LIMCH1: variants seen among roughly 807,000 people sequenced by gnomAD.
LIMCH1 encodes the protein LIM and calponin homology domains-containing protein 1.
LIMCH1 carries 113 observed loss-of-function variants against 176.5 expected under a neutral mutation model. That is an observed-to-expected ratio of 0.64 (90% CI 0.55 to 0.75). The LOEUF (loss-of-function observed/expected upper bound fraction) is 0.75, where lower values mean the gene tolerates loss of function less well. LIMCH1 is among the 30% of genes least tolerant of loss of function. LIMCH1 has a pLI of 0.00. For missense variants in LIMCH1, 1,674 were observed against 1,814.9 expected (o/e 0.92, Z 1.41); for synonymous variants, 619 against 645.9 (o/e 0.96, Z 0.63).
chr4:41,629,813 G>GTA, intron 9 of LIMCH1, 79 bp downstream of exon 9: 1 of 1,370,064 alleles, frequency 7.3e-7, no homozygotes, highest in African/African-American at 1.6e-5. Flanking sequence ...TTATCTTTGT[G>GTA]TCTTTTTTTT....
intron 22 of LIMCH1, among the ~76,000 whole-genome samples, chr4:41,672,003 A>T (rs958236622): frequency 6.6e-6 from 1 of 152,146 alleles, no homozygotes; most frequent in African/African-American, 2.4e-5. Flanking sequence ...AAAGACATGG[A>T]TTATCATTAT....
At chr4:41,676,235 A>C (rs1283744878) in intron 22 of LIMCH1, 147 bp from the exon 23 acceptor site, 8 of 541,294 alleles carry the variant, frequency 1.5e-5, no homozygotes, top group Non-Finnish European at 2.7e-5. Flanking sequence ...GGTTTCTGCC[A>C]CCAAAGAGGA....
chr4:41,375,624 T>C (rs1222876759), intron 1 of LIMCH1, among the ~76,000 whole-genome samples: 2 of 152,204 alleles, frequency 1.3e-5, no homozygotes, highest in African/African-American at 4.8e-5. Flanking sequence ...AGCAAAACCA[T>C]GCAGTTGCTG....
chr4:41,464,370 C>CTTTTTTTT (rs753362999), intron 1 of LIMCH1, among the ~76,000 whole-genome samples: 1 of 139,124 alleles, frequency 7.2e-6, no homozygotes, highest in Non-Finnish European at 1.6e-5. Context: ...TTCTTTTTTT[C>CTTTTTTTT]TTTTTTTTTT....
At chr4:41,544,318 T>TG (rs1014455925) in intron 1 of LIMCH1, among the ~76,000 whole-genome samples, 1 of 152,238 alleles carries the variant, frequency 6.6e-6, no homozygotes, top group Non-Finnish European at 1.5e-5. Flanking sequence ...TCTCTGTGTG[T>TG]GGGTATACAC....
rs1036116215 is a variant in LIMCH1 at position 41,699,140 on chromosome 4, A to G, written c.*1955A>G. ...ATGATATTAGCAGAGTACCACTAGT[A>G]ATGCACAAACATGTACAATATGGTC... On this transcript the variant is annotated 3_prime_UTR_variant, in exon 32 of 32. Coordinates refer to ENST00000503057, the MANE Select transcript of LIMCH1 (RefSeq NM_001330672.2). 6.6e-6 allele frequency: 1 copy of G among 151,616 alleles called. No homozygotes were observed. Among genetic ancestry groups the G allele is most frequent in the Non-Finnish European group, 1.5e-5 (1 of 67,778 alleles). 9.4% of individuals were successfully genotyped at this position (151,616 alleles called of 1,614,324 possible).
At chr4:41,553,192 A>T (rs1583974564) in intron 1 of LIMCH1, among the ~76,000 whole-genome samples, 1 of 152,134 alleles carries the variant, frequency 6.6e-6, no homozygotes, top group East Asian at 1.9e-4. Context: ...GTGACTGTCT[A>T]CTGTGCCAGC....
chr4:41,494,583 A>G, exon 2 of LIMCH1: 1 of 1,612,672 alleles, frequency 6.2e-7, no homozygotes, highest in Non-Finnish European at 8.5e-7. Flanking sequence ...GGACAGGTTT[A>G]GAAAATGGAA....
chr4:41,419,367 G>A (rs898284685), intron 1 of LIMCH1, among the ~76,000 whole-genome samples: 99 of 151,726 alleles, frequency 6.5e-4, no homozygotes, highest in African/African-American at 2.3e-3. Flanking sequence ...TAGTAGAGAC[G>A]GGGTTTCACT....
At chr4:41,578,894 G>A (rs1280095922) in intron 1 of LIMCH1, among the ~76,000 whole-genome samples, 1 of 151,820 alleles carries the variant, frequency 6.6e-6, no homozygotes, top group African/African-American at 2.4e-5. Flanking sequence ...ATAGAGACAG[G>A]GTCTCACTAT....
chr4:41,444,918 A>G (rs1052235858), intron 1 of LIMCH1, among the ~76,000 whole-genome samples: 1 of 152,206 alleles, frequency 6.6e-6, no homozygotes, highest in African/African-American at 2.4e-5. Context: ...TGAGTTATTT[A>G]CTGACAAAGT....
At chr4:41,562,576 T>A (rs2082205428) in intron 1 of LIMCH1, among the ~76,000 whole-genome samples, 1 of 152,192 alleles carries the variant, frequency 6.6e-6, no homozygotes, top group African/African-American at 2.4e-5. Context: ...ACTTTAAAAA[T>A]TGTGCTGATT....
chr4:41,445,066 C>T (rs940515869), intron 1 of LIMCH1, among the ~76,000 whole-genome samples: 13 of 144,596 alleles, frequency 9.0e-5, no homozygotes, highest in African/African-American at 2.6e-4. Flanking sequence ...AGTGCAGTGG[C>T]GCAATCTTGG....
chr4:41,670,615 G>T, intron 21 of LIMCH1: 1 of 738,018 alleles, frequency 1.4e-6, no homozygotes. Flanking sequence ...TTCTGGTATT[G>T]ACTAGAGCCA....
At chr4:41,661,353 T>A in intron 18 of LIMCH1, 67 bp from the exon 19 acceptor site, 1 of 1,206,230 alleles carries the variant, frequency 8.3e-7, no homozygotes, top group Non-Finnish European at 1.2e-6. Context: ...AATTACTGCT[T>A]AAAAAATAAT....
At chr4:41,370,665 G>A (rs532233265) in intron 1 of LIMCH1, among the ~76,000 whole-genome samples, 1 of 152,290 alleles carries the variant, frequency 6.6e-6, no homozygotes, top group Non-Finnish European at 1.5e-5. Flanking sequence ...TGCTGTTAGA[G>A]TTGACAGAGT....
At chr4:41,588,673 G>C (rs577415173) in intron 1 of LIMCH1, among the ~76,000 whole-genome samples, 1 of 152,342 alleles carries the variant, frequency 6.6e-6, no homozygotes. Context: ...CTTCAACCAA[G>C]TGGGTTTGCC....
In LIMCH1 at chr4:41,675,227, C is replaced by A. The variant is rs561871614; in HGVS notation, c.3439-1155C>A. On this transcript the variant is annotated intron_variant, in intron 22 of 31. Transcript: ENST00000503057. ...GGCCTGCATTCTCTGCCTGAAGATA[C>A]TTCCCTGGGCCAGCCCACCCGCCAT... Among the ~76,000 whole-genome samples the A allele has an allele frequency of 1.3e-4, 20 of 152,308 alleles. 1 individual carries two copies. The Middle Eastern group carries it at 0.031, about 233-fold the overall frequency.
chr4:41,401,507 T>C (rs187787069), intron 1 of LIMCH1, among the ~76,000 whole-genome samples: 16,919 of 151,934 alleles, frequency 0.11, 1,128 homozygotes, highest in African/African-American at 0.19. Context: ...ATTGACTTGG[T>C]GATGCGGGCT....
Sources: allele counts gnomAD v4.1 joint callset (sites outside exome capture counted in the v4.1 genomes callset), GRCh38; gene constraint gnomAD v4.1.1; transcripts MANE v1.5; gene names NCBI Gene and HGNC (gene_info 2026-07-23, HGNC 2026-07-21).